The following SLC44A1 variants were observed in gnomAD, a reference collection of about 807,000 sequenced individuals.
The protein encoded by SLC44A1 is choline transporter-like protein 1.
Under a neutral mutation model 79.3 loss-of-function variants are expected in SLC44A1, and 26 were observed. The ratio of observed to expected loss-of-function variants is 0.33; its 90% CI spans 0.24 to 0.46. SLC44A1 has a LOEUF of 0.46. Ranked by LOEUF, SLC44A1 falls within the 20% of genes least tolerant of loss-of-function variation. SLC44A1 has a pLI of 1.00. For missense variants in SLC44A1, 688 were observed against 798.1 expected, an observed-to-expected ratio of 0.86 and a Z score of 1.66; for synonymous variants, 263 against 286.2, an observed-to-expected ratio of 0.92 and a Z score of 0.82.
intron 9 of SLC44A1, among the ~76,000 whole-genome samples, chr9:105,363,971 C>A (rs1449408961): frequency 3.9e-5 from 6 of 152,142 alleles, no homozygotes; most frequent in Non-Finnish European, 7.4e-5. Flanking sequence ...GATCTACTTA[C>A]TTCCTTGGGA....
In SLC44A1 at chr9:105,394,902, C is replaced by A; in HGVS notation, c.*5846C>A. ...TCCTCTGCCAATAGAACTCCACCCC[C>A]AGTCCCTTACCTACTCTATCTTCTT... is the stretch of plus-strand genomic sequence containing the variant. On this transcript the variant is annotated 3_prime_UTR_variant, in exon 16 of 16. Coordinates refer to ENST00000374720, the MANE Select transcript of SLC44A1 (RefSeq NM_080546.5). 2.0e-6 allele frequency: 2 copies of A among 985,496 alleles called. No individual in the cohort carries two copies. Among genetic ancestry groups the A allele is most frequent in the Non-Finnish European group, 2.4e-6 (2 of 829,980 alleles). The allele number at this position is 985,496 out of a possible 1,614,324, so 61.0% of individuals were successfully genotyped here. A position where few individuals can be genotyped will look rare whatever the true frequency, so the allele number is the denominator to read the frequency against.
Position 105,394,313 on chromosome 9 carries a change from CAGGTT to C in SLC44A1, c.*5261_*5265del. ...TTAAAGACTTTATGTAATTTAGTAG[CAGGTT>C]AGGGAATAGAAACCACACTAATCTG... On this transcript the variant is annotated 3_prime_UTR_variant, in exon 16 of 16. Coordinates refer to ENST00000374720, the MANE Select transcript of SLC44A1 (RefSeq NM_080546.5). 1.0e-6 allele frequency: 1 copy of C among 985,150 alleles called. No homozygotes were observed. Among genetic ancestry groups the C allele is most frequent in the Non-Finnish European group, 1.2e-6 (1 of 829,846 alleles). 61.0% of individuals were successfully genotyped at this position (985,150 alleles called of 1,614,324 possible).
At chr9:105,278,507 C>T (rs539219095) in intron 1 of SLC44A1, among the ~76,000 whole-genome samples, 41 of 152,252 alleles carry the variant, frequency 2.7e-4, no homozygotes, top group African/African-American at 9.6e-4. Flanking sequence ...CTCGGCCTCC[C>T]GAAGTGCTGG....
At position 105,432,142 on chromosome 9, in the gene SLC44A1, G is replaced by A. The variant is rs535229554; in HGVS notation, c.1951-6139G>A. Among the ~76,000 whole-genome samples the A allele has an allele frequency of 1.0e-3, 158 of 152,202 alleles. 1 individual carries two copies. The highest frequency in any genetic ancestry group is 1.5e-3 in the Non-Finnish European group (101 of 68,012). ...TCACCATTTTGGCCAGGCTCGTCTCGAGCTCCTGACCTCAAGTGATCTGCC... is the reference window on the plus strand; with the variant it reads ...TCACCATTTTGGCCAGGCTCGTCTCAAGCTCCTGACCTCAAGTGATCTGCC... On this transcript the variant is annotated intron_variant, in intron 15 of 15. Transcript: ENST00000374724.
At chr9:105,256,465 TA>T (rs1401991773) in intron 1 of SLC44A1, among the ~76,000 whole-genome samples, 1 of 152,166 alleles carries the variant, frequency 6.6e-6, no homozygotes, top group Non-Finnish European at 1.5e-5. Flanking sequence ...GTTTCAGGGC[TA>T]ATATGAGACT....
intron 15 of SLC44A1, among the ~76,000 whole-genome samples, chr9:105,418,338 A>T (rs917802032): frequency 1.3e-5 from 2 of 151,336 alleles, no homozygotes; most frequent in Non-Finnish European, 2.9e-5. Flanking sequence ...AAAAAAAAGA[A>T]AGAAAGAAAA....
chr9:105,321,416 T>G (rs575268928), intron 3 of SLC44A1, among the ~76,000 whole-genome samples: 1 of 152,320 alleles, frequency 6.6e-6, no homozygotes, highest in Non-Finnish European at 1.5e-5. Context: ...GAGTTTCTAG[T>G]AATAGCAGCT....
In SLC44A1 at chr9:105,393,411, C is replaced by T. The variant is rs1032458482; in HGVS notation, c.*4355C>T. 6.1e-6 allele frequency: 6 copies of T among 985,092 alleles called. No individual in the cohort carries two copies. The highest frequency in any genetic ancestry group is 1.7e-5 in the African/African-American group (1 of 57,222). 61.0% of individuals were successfully genotyped at this position (985,092 alleles called of 1,614,324 possible). ...AACTTAAAAAACAAAACAAAAATTA[C>T]ACGTCGTGTACAGTTATGAATTTAG... On this transcript the variant is annotated 3_prime_UTR_variant, in exon 16 of 16. Coordinates refer to ENST00000374720, the MANE Select transcript of SLC44A1 (RefSeq NM_080546.5).
At chr9:105,263,944 T>C (rs1430234902) in intron 1 of SLC44A1, among the ~76,000 whole-genome samples, 2 of 152,178 alleles carry the variant, frequency 1.3e-5, no homozygotes, top group African/African-American at 2.4e-5. Flanking sequence ...TTTAAATCTT[T>C]AATTCTTTTG....
intron 1 of SLC44A1, among the ~76,000 whole-genome samples, chr9:105,284,863 C>T (rs190118236): frequency 3.6e-4 from 55 of 152,166 alleles, no homozygotes; most frequent in Admixed American, 9.8e-4. Context: ...GAATAGCCAC[C>T]GCCACAATCA....
At chr9:105,365,423 T>C in intron 10 of SLC44A1, 60 bp from the exon 11 acceptor site, 1 of 1,355,978 alleles carries the variant, frequency 7.4e-7, no homozygotes, top group Non-Finnish European at 1.0e-6. Context: ...AAACCATACC[T>C]GTGTTTCCAT....
intron 4 of SLC44A1, among the ~76,000 whole-genome samples, chr9:105,342,875 C>T (rs866104777): frequency 6.6e-6 from 1 of 151,850 alleles, no homozygotes; most frequent in Non-Finnish European, 1.5e-5. Context: ...TGTAGTGATG[C>T]GTGCCTGTAT....
Position 105,389,610 on chromosome 9 carries a change from T to C in SLC44A1, c.*554T>C. 2 of 1,172,826 alleles carry C rather than the reference T, an allele frequency of 1.7e-6. No individual in the cohort carries two copies. The highest frequency in any genetic ancestry group is 1.6e-5 in the African/African-American group (1 of 63,248). The allele number at this position is 1,172,826 out of a possible 1,614,324, so 72.7% of individuals were successfully genotyped here. A position where few individuals can be genotyped will look rare whatever the true frequency, so the allele number is the denominator to read the frequency against. ...CCATGTCATTTTACTTTTAGAAACA[T>C]ACAATTGGGCCCAATATGGGAATTT... On this transcript the variant is annotated 3_prime_UTR_variant, in exon 16 of 16. Transcript: ENST00000374720.
chr9:105,395,764 T>TA lies in SLC44A1; in HGVS notation c.*6717dup, dbSNP rs1005552688. The stretch of plus-strand genomic sequence containing the variant: ...AGGAGCATGTGTTAAATCATATGAG[T>TA]AAAAAAAAAGTAGACATTGAAAAGA... On this transcript the variant is annotated 3_prime_UTR_variant, in exon 16 of 16. Coordinates refer to ENST00000374720, the MANE Select transcript of SLC44A1 (RefSeq NM_080546.5). 3.6e-4 allele frequency: 349 copies of TA among 965,866 alleles called. No individual in the cohort carries two copies. The highest frequency in any genetic ancestry group is 1.4e-3 in the South Asian group (29 of 20,874). 59.8% of individuals were successfully genotyped at this position (965,866 alleles called of 1,614,324 possible). A position where few individuals can be genotyped will look rare whatever the true frequency, so the allele number is the denominator to read the frequency against.
rs538031067 is a variant in SLC44A1, at chr9:105,415,921, A to C, written c.1951-22360A>C. 5.7e-5 allele frequency among the ~76,000 whole-genome samples: 5 copies of C among 86,998 alleles called. No homozygotes were observed. The South Asian group carries it at 1.8e-3, about 31-fold the overall frequency. 57.1% of individuals were successfully genotyped at this position (86,998 alleles called of 152,430 possible). A position where few individuals can be genotyped will look rare whatever the true frequency, so the allele number is the denominator to read the frequency against. On this transcript the variant is annotated intron_variant, in intron 15 of 15. Transcript: ENST00000374724. ...ATTTTTTTTTTTTTTTTTTTTTTTG[A>C]GATAGTATCTTGCTCTGTCGCCCAG...
chr9:105,398,442 C>G (rs1828914595), downstream of SLC44A1, among the ~76,000 whole-genome samples: 1 of 152,126 alleles, frequency 6.6e-6, no homozygotes, highest in African/African-American at 2.4e-5. Context: ...CTGGACTGTT[C>G]TTTCTTTTTT....
Position 105,389,854 on chromosome 9 carries a change from TG to T in SLC44A1, c.*802del. The T allele has an allele frequency of 6.8e-7, 1 of 1,464,618 alleles. No homozygotes were observed. Among genetic ancestry groups the T allele is most frequent in the Non-Finnish European group, 9.0e-7 (1 of 1,107,690 alleles). The allele number at this position is 1,464,618 out of a possible 1,614,324, so 90.7% of individuals were successfully genotyped here. A position where few individuals can be genotyped will look rare whatever the true frequency, so the allele number is the denominator to read the frequency against. On this transcript the variant is annotated 3_prime_UTR_variant, in exon 16 of 16. Coordinates refer to ENST00000374720, the MANE Select transcript of SLC44A1 (RefSeq NM_080546.5). The stretch of plus-strand genomic sequence containing the variant: ...TTGTGTGCCTGATTTGAAAGGAAGC[TG>T]GGGCACCCAGCGAGTTTAGCCTTTA...
intron 3 of SLC44A1, among the ~76,000 whole-genome samples, chr9:105,322,997 C>A (rs891083171): frequency 6.7e-6 from 1 of 150,272 alleles, no homozygotes; most frequent in African/African-American, 2.4e-5. Context: ...TCAAGGCGGG[C>A]GGGTTACTTG....
chr9:105,385,466 G>T lies in SLC44A1; in HGVS notation c.1914G>T (p.Lys638Asn). 6.3e-7 allele frequency: 1 copy of T among 1,586,122 alleles called. No individual in the cohort carries two copies. The highest frequency in any genetic ancestry group is 2.3e-5 in the East Asian group (1 of 44,284). Residue 638 changes from lysine (K) to asparagine (N), a missense_variant, in exon 15 of 16, where the codon AAG (lysine) becomes AAT (asparagine). Transcript: ENST00000374720. ...NSRKAMKEAG[K>N]GGVADSRELK... ...GGAAAGCAATGAAAGAAGCTGGTAA[G>T]GGAGGCGTCGCTGATTCCAGAGAGC...
Sources: allele counts gnomAD v4.1 joint callset (sites outside exome capture counted in the v4.1 genomes callset), GRCh38; gene constraint gnomAD v4.1.1; transcripts MANE v1.5; gene names NCBI Gene and HGNC (gene_info 2026-07-23, HGNC 2026-07-21).